The following NINL variants were observed in gnomAD, a reference collection of about 807,000 sequenced individuals.
NINL encodes ninein-like protein.
Under a neutral mutation model 160.3 loss-of-function variants are expected in NINL, and 153 were observed. The ratio of observed to expected loss-of-function variants is 0.95; its 90% CI spans 0.84 to 1.09. NINL has a LOEUF of 1.09. Ranked by LOEUF, NINL falls within the 50% of genes least tolerant of loss-of-function variation. NINL has a pLI of 0.00. For missense variants in NINL, 1,829 were observed against 1,764.0 expected (o/e 1.04, Z -0.66); for synonymous variants, 800 against 734.8 (o/e 1.09, Z -1.43).
intron 4 of NINL, among the ~76,000 whole-genome samples, chr20:25,511,536 G>A (rs1199824089): frequency 6.6e-6 from 1 of 152,196 alleles, no homozygotes; most frequent in Non-Finnish European, 1.5e-5. Flanking sequence ...GGGAGAATCT[G>A]TGAGTTGGTG....
Position 25,462,437 on chromosome 20 carries a change from G to A in NINL, c.3528C>T (p.Thr1176=). Residue 1176 remains threonine, a synonymous_variant, in exon 20 of 24, where the codon ACC becomes ACT. Coordinates refer to ENST00000278886, the MANE Select transcript of NINL (RefSeq NM_025176.6). ...CCAGGCTCTGTGTTAACATCTGAAT[G>A]GTCACACGATGCTCCTCGTTTTGGG... The part of the protein sequence containing the change: ...HQAQNEEHRV[T]IQMLTQSLEE... The A allele has an allele frequency of 6.2e-7, 1 of 1,614,152 alleles. No individual in the cohort carries two copies. The highest frequency in any genetic ancestry group is 8.5e-7 in the Non-Finnish European group (1 of 1,180,034).
chr20:25,453,468 C>CG lies in NINL; in HGVS notation c.4131dup (p.Ala1378ArgfsTer21), dbSNP rs1568819869. On this transcript the variant is annotated frameshift_variant, in exon 24 of 24. Coordinates refer to ENST00000278886, the MANE Select transcript of NINL (RefSeq NM_025176.6). LOFTEE classifies it high-confidence loss of function. ...ATCTGTCTTTACACAGAGAGGGCTG[C>CG]GGGGGCAATCCTACTGACGAGTTTG... 1.2e-6 allele frequency: 2 copies of CG among 1,609,882 alleles called. No homozygotes were observed. The highest frequency in any genetic ancestry group is 2.2e-5 in the South Asian group (2 of 90,490).
intron 1 of NINL, among the ~76,000 whole-genome samples, chr20:25,540,376 C>T (rs2064642782): frequency 6.6e-6 from 1 of 152,196 alleles, no homozygotes; most frequent in South Asian, 2.1e-4. Context: ...AGACATATGA[C>T]GTTGTCATCG....
intron 1 of NINL, among the ~76,000 whole-genome samples, chr20:25,537,135 T>G (rs899320080): frequency 3.0e-4 from 45 of 152,262 alleles, no homozygotes; most frequent in Non-Finnish European, 5.7e-4. Context: ...TTGGCTGGGG[T>G]GCAGTGGCGT....
At chr20:25,501,227 A>G (rs190613895) in intron 7 of NINL, among the ~76,000 whole-genome samples, 130 of 152,376 alleles carry the variant, frequency 8.5e-4, no homozygotes, top group African/African-American at 3.0e-3. Context: ...CGGGACATGC[A>G]ACCAAGGCCC....
chr20:25,476,378 C>A lies in NINL; in HGVS notation c.2913G>T (p.Gln971His). ...CCTGAATGGCCTGTAGCCTCTCAGC[C>A]TGTCCCCTGCACGAAGCGGCCGGCC... ...PLRPAASCRG[Q>H]AERLQAIQEE... Residue 971 changes from glutamine to histidine, a missense_variant, in exon 17 of 24, where the codon CAG becomes CAT. By Grantham distance (24) the Gln-to-His change is conservative (BLOSUM62 0). Transcript: ENST00000278886. 1 of 1,610,996 alleles carries A rather than the reference C, an allele frequency of 6.2e-7. No homozygotes were observed. Among genetic ancestry groups the A allele is most frequent in the South Asian group, 1.1e-5 (1 of 91,050 alleles).
intron 11 of NINL, among the ~76,000 whole-genome samples, chr20:25,490,605 C>T (rs888470768): frequency 1.3e-5 from 2 of 150,544 alleles, no homozygotes; most frequent in African/African-American, 4.9e-5. Context: ...AATACAAAAG[C>T]ATTGCAAAAG....
At chr20:25,524,187 A>G (rs2064312428) in intron 2 of NINL, among the ~76,000 whole-genome samples, 1 of 152,158 alleles carries the variant, frequency 6.6e-6, no homozygotes, top group African/African-American at 2.4e-5. Context: ...GAAAAGAAAA[A>G]TGGTCCACCA....
intron 1 of NINL, among the ~76,000 whole-genome samples, chr20:25,561,301 G>A (rs978472978): frequency 5.3e-5 from 8 of 152,322 alleles, no homozygotes; most frequent in Middle Eastern, 3.4e-3. Context: ...GGCCTCCCGA[G>A]GTGCCGGGAT....
intron 1 of NINL, among the ~76,000 whole-genome samples, chr20:25,552,086 A>C (rs2064812793): frequency 6.6e-6 from 1 of 152,146 alleles, no homozygotes; most frequent in Admixed American, 6.6e-5. Context: ...AAAGAACAGC[A>C]GTTGCATGAC....
At chr20:25,560,319 C>G (rs1233057170) in intron 1 of NINL, among the ~76,000 whole-genome samples, 1 of 152,172 alleles carries the variant, frequency 6.6e-6, no homozygotes, top group Non-Finnish European at 1.5e-5. Flanking sequence ...TCATTATAAC[C>G]AGAGAGCAAG....
intron 17 of NINL, among the ~76,000 whole-genome samples, 153 bp from the exon 18 acceptor site, chr20:25,470,248 C>G (rs1467871992): frequency 1.3e-5 from 2 of 152,208 alleles, no homozygotes; most frequent in African/African-American, 4.8e-5. Context: ...CCTCTTCCTG[C>G]ACCAGGTGTT....
chr20:25,491,496 A>C lies in NINL; in HGVS notation c.1340T>G (p.Leu447Arg), dbSNP rs746402561. ...CTCCACCTCAGACCGCAGGAGGCTC[A>C]GCCTTTCCCGGTACCCCTGCTCCAG... is the stretch of plus-strand genomic sequence containing the variant. ...KHLEQGYRER[L>R]SLLRSEVEAE... Residue 447 changes from leucine (L) to arginine (R), a missense_variant, in exon 11 of 24, where the codon CTG (leucine) becomes CGG (arginine). By Grantham distance (102) the Leu-to-Arg change is moderately radical. Coordinates refer to ENST00000278886, the MANE Select transcript of NINL (RefSeq NM_025176.6). 1.2e-6 allele frequency: 2 copies of C among 1,614,026 alleles called. No homozygotes were observed. The highest frequency in any genetic ancestry group is 2.2e-5 in the South Asian group (2 of 91,076).
At chr20:25,560,531 C>T (rs573479478) in intron 1 of NINL, among the ~76,000 whole-genome samples, 1 of 152,284 alleles carries the variant, frequency 6.6e-6, no homozygotes, top group East Asian at 1.9e-4. Flanking sequence ...AGGCCTGGAG[C>T]CCAGCAGCCC....
At chr20:25,499,945 C>G (rs1234337640) in intron 8 of NINL, among the ~76,000 whole-genome samples, 1 of 61,418 alleles carries the variant, frequency 1.6e-5, no homozygotes, top group Non-Finnish European at 3.3e-5. Flanking sequence ...ACCAATTTCG[C>G]AAAAAAAAAA....
chr20:25,548,706 C>T (rs2147085227), intron 1 of NINL, among the ~76,000 whole-genome samples: 1 of 149,416 alleles, frequency 6.7e-6, no homozygotes, highest in African/African-American at 2.5e-5. Context: ...CCACCCGGGG[C>T]TGACCCCAGT....
chr20:25,476,924 G>A lies in NINL; in HGVS notation c.2367C>T (p.Pro789=), dbSNP rs577554820. Residue 789 remains proline (P), a synonymous_variant, in exon 17 of 24, where the codon CCC becomes CCT. Transcript: ENST00000278886. ...TCTGGGCGCGCTTCTCGCTCGCACA[G>A]GGCTGCAGCTTCAGTGCCCTCTCCA... ...LELERALKLQ[P]CASEKRAQMC... The A allele has an allele frequency of 2.5e-6, 4 of 1,612,446 alleles. No individual in the cohort carries two copies. The African/African-American group carries it at 5.3e-5, about 21-fold the overall frequency.
In NINL at chr20:25,462,459, T is replaced by C. The variant is rs764518664; in HGVS notation, c.3506A>G (p.Gln1169Arg). ...LGQEASTHQA[Q>R]NEEHRVTIQM... is the part of the protein sequence containing the mutation. ...AATGGTCACACGATGCTCCTCGTTT[T>C]GGGCCTGGTGGGTAGAAGCCTCCTG... The change falls in exon 20 of 24, where the codon CAA (glutamine) becomes CGA (arginine). Residue 1169 changes from glutamine (Q) to arginine (R), a missense_variant. By Grantham distance (43) the Gln-to-Arg change is conservative. Coordinates refer to ENST00000278886, the MANE Select transcript of NINL (RefSeq NM_025176.6). The C allele has an allele frequency of 1.2e-6, 2 of 1,614,238 alleles. No homozygotes were observed. The highest frequency in any genetic ancestry group is 1.7e-6 in the Non-Finnish European group (2 of 1,180,050).
intron 1 of NINL, among the ~76,000 whole-genome samples, chr20:25,552,202 C>CTT (rs2064813713): frequency 6.6e-6 from 1 of 151,948 alleles, no homozygotes; most frequent in Admixed American, 6.6e-5. Context: ...TCCCTCAAGC[C>CTT]TTTTATCATT....
Sources: allele counts gnomAD v4.1 joint callset (sites outside exome capture counted in the v4.1 genomes callset), GRCh38; gene constraint gnomAD v4.1.1; transcripts MANE v1.5; gene names NCBI Gene and HGNC (gene_info 2026-07-23, HGNC 2026-07-21).